The following ENAH variants were observed in gnomAD, a reference collection of about 807,000 sequenced individuals.
The protein encoded by ENAH is ENAH actin regulator.
ENAH carries 23 observed loss-of-function variants against 78.7 expected under a neutral mutation model. That is an observed-to-expected ratio of 0.29 (90% CI 0.21 to 0.41). ENAH has a LOEUF of 0.41. ENAH is among the 10% of genes least tolerant of loss of function. The pLI is 1.00. For missense variants in ENAH, 544 were observed against 691.0 expected, an observed-to-expected ratio of 0.79 and a Z score of 2.39; for synonymous variants, 226 against 241.0, an observed-to-expected ratio of 0.94 and a Z score of 0.58.
intron 1 of ENAH, among the ~76,000 whole-genome samples, chr1:225,621,239 C>T (rs1432848851): frequency 5.3e-5 from 8 of 152,030 alleles, no homozygotes; most frequent in Admixed American, 5.2e-4. Context: ...TCTCATTATA[C>T]TTATCACCCT....
At chr1:225,642,276 T>A (rs2148456880) in intron 1 of ENAH, among the ~76,000 whole-genome samples, 1 of 151,388 alleles carries the variant, frequency 6.6e-6, no homozygotes, top group South Asian at 2.1e-4. Flanking sequence ...GAATCGCACC[T>A]CTTGATCTGT....
intron 1 of ENAH, among the ~76,000 whole-genome samples, chr1:225,624,439 C>G (rs1657565050): frequency 6.6e-6 from 1 of 152,064 alleles, no homozygotes; most frequent in Admixed American, 6.5e-5. Flanking sequence ...GCCTGGCCAA[C>G]ATGGTGAAAC....
intron 3 of ENAH, among the ~76,000 whole-genome samples, chr1:225,536,578 G>A (rs2096562620): frequency 6.6e-6 from 1 of 151,784 alleles, no homozygotes; most frequent in Non-Finnish European, 1.5e-5. Flanking sequence ...ACAAGACAGT[G>A]TTTTAGATCT....
chr1:225,582,053 G>A (rs1015109101), intron 1 of ENAH, among the ~76,000 whole-genome samples: 1 of 152,046 alleles, frequency 6.6e-6, no homozygotes, highest in Non-Finnish European at 1.5e-5. Context: ...GTGGGGCCTG[G>A]TGCAAGGTGA....
At chr1:225,653,632 T>C (rs949890322), upstream of ENAH, among the ~76,000 whole-genome samples, 1 of 151,746 alleles carries the variant, frequency 6.6e-6, no homozygotes, top group Non-Finnish European at 1.5e-5. The surrounding 1 kb of genome is among the most constrained non-coding windows in gnomAD (Gnocchi z 4.3). Flanking sequence ...GACGCGTGAC[T>C]GGGCACAGGG....
At chr1:225,542,522 C>A (rs921498511) in intron 3 of ENAH, among the ~76,000 whole-genome samples, 1 of 152,182 alleles carries the variant, frequency 6.6e-6, no homozygotes, top group African/African-American at 2.4e-5. Flanking sequence ...TATCTCTCTG[C>A]GTGACAATTC....
At chr1:225,511,681 G>A in intron 10 of ENAH, 130 bp downstream of exon 10, 1 of 562,884 alleles carries the variant, frequency 1.8e-6, no homozygotes, top group Non-Finnish European at 3.1e-6. Flanking sequence ...TTTCAGGTGG[G>A]AACAAAGAAC....
chr1:225,534,851 T>C (rs546227419), intron 3 of ENAH, among the ~76,000 whole-genome samples: 2 of 152,284 alleles, frequency 1.3e-5, no homozygotes, highest in Admixed American at 6.5e-5. Flanking sequence ...ATATATCTTA[T>C]TCTCTCTAAT....
chr1:225,649,378 G>A (rs1662553019), intron 1 of ENAH, among the ~76,000 whole-genome samples: 1 of 150,214 alleles, frequency 6.7e-6, no homozygotes, highest in Non-Finnish European at 1.5e-5. Context: ...TTTTAGATCA[G>A]ACAAGCTCCT....
chr1:225,512,032 T>C (rs74392857), intron 9 of ENAH, among the ~76,000 whole-genome samples, 173 bp from the exon 10 acceptor site: 6,777 of 152,280 alleles, frequency 0.045, 237 homozygotes, highest in South Asian at 0.11. Flanking sequence ...TCTTCAACCA[T>C]CTTCCCTTCA....
At chr1:225,505,131 G>T in intron 11 of ENAH, 1 of 1,077,456 alleles carries the variant, frequency 9.3e-7, no homozygotes. Context: ...CTGTTTTATA[G>T]GTTGTTAATA....
At chr1:225,517,839 T>C (rs1240559846) in intron 5 of ENAH, 2 of 1,551,254 alleles carry the variant, frequency 1.3e-6, no homozygotes, top group Non-Finnish European at 1.7e-6. Context: ...TGGAAGTAGG[T>C]GGCAAAGCAG....
rs767101333 is a variant in ENAH, at chr1:225,560,561, G to C, written c.172-5478C>G. 2.6e-5 allele frequency among the ~76,000 whole-genome samples: 4 copies of C among 152,062 alleles called. 1 individual carries two copies. Among genetic ancestry groups the C allele is most frequent in the South Asian group, 4.1e-4 (2 of 4,824 alleles). On this transcript the variant is annotated intron_variant, in intron 2 of 13. Transcript: ENST00000366843. ...AGTGGCTATTCACAGGCACAATCATGGGACACGACAGTCTTGAACTCCTGG... is the reference window on the plus strand; with the variant it reads ...AGTGGCTATTCACAGGCACAATCATCGGACACGACAGTCTTGAACTCCTGG...
At position 225,622,890 on chromosome 1, in the gene ENAH, C is replaced by T. The variant is rs117677763; in HGVS notation, c.5+29796G>A. 3.4e-4 allele frequency among the ~76,000 whole-genome samples: 51 copies of T among 152,176 alleles called. No individual in the cohort carries two copies. The East Asian group carries it at 8.9e-3, about 26-fold the overall frequency. ...GAGTAATTTGCACCAGGAAGTAACT[C>T]GAAGGATGGATTTCAAAAGGAAAAA... On this transcript the variant is annotated intron_variant, in intron 1 of 13. Transcript: ENST00000366843.
chr1:225,652,550 G>A (rs910983096), intron 1 of ENAH, 136 bp downstream of exon 1: 3 of 1,050,836 alleles, frequency 2.9e-6, no homozygotes, highest in African/African-American at 1.6e-5. Context: ...GACAAAAGGC[G>A]GAGGGGGGAG....
intron 1 of ENAH, among the ~76,000 whole-genome samples, chr1:225,617,760 T>C (rs546823711): frequency 6.6e-6 from 1 of 152,288 alleles, no homozygotes. Context: ...AGAATTTACA[T>C]TCCAACACAC....
At chr1:225,519,082 A>T in intron 5 of ENAH, 116 bp downstream of exon 5, 1 of 1,450,946 alleles carries the variant, frequency 6.9e-7, no homozygotes, top group East Asian at 2.3e-5. Context: ...CATAATTTCA[A>T]ATTGTATGGC....
intron 1 of ENAH, among the ~76,000 whole-genome samples, chr1:225,636,793 T>G (rs1347355097): frequency 6.6e-6 from 1 of 152,200 alleles, no homozygotes; most frequent in East Asian, 1.9e-4. Flanking sequence ...CAGCATGATA[T>G]AAAGTGTTCA....
At chr1:225,535,212 AAAAC>A (rs2151289201) in intron 3 of ENAH, among the ~76,000 whole-genome samples, 1 of 152,282 alleles carries the variant, frequency 6.6e-6, no homozygotes, top group South Asian at 2.1e-4. Context: ...AAAATAATTA[AAAAC>A]AAAAAAGTAC....
Sources: allele counts gnomAD v4.1 joint callset (sites outside exome capture counted in the v4.1 genomes callset), GRCh38; gene constraint gnomAD v4.1.1; non-coding constraint Gnocchi (gnomAD v3.1); transcripts MANE v1.5; gene names NCBI Gene and HGNC (gene_info 2026-07-23, HGNC 2026-07-21).